The following ABCA8 variants were observed in gnomAD, a reference collection of about 807,000 sequenced individuals.
ABCA8 encodes the protein ATP binding cassette subfamily A member 8.
Under a neutral mutation model 192.3 loss-of-function variants are expected in ABCA8, and 177 were observed. The ratio of observed to expected loss-of-function variants is 0.92; its 90% CI spans 0.81 to 1.04. ABCA8 has a LOEUF of 1.04. Among genes scored for constraint, ABCA8 ranks in the 50% least tolerant of loss-of-function variants. ABCA8 has a pLI of 0.00. For missense variants in ABCA8, 1,915 were observed against 1,904.8 expected, an observed-to-expected ratio of 1.01 and a Z score of -0.10; for synonymous variants, 642 against 690.2, an observed-to-expected ratio of 0.93 and a Z score of 1.09.
intron 37 of ABCA8, among the ~76,000 whole-genome samples, chr17:68,873,649 C>T (rs572142778): frequency 1.3e-5 from 2 of 152,260 alleles, no homozygotes; most frequent in Admixed American, 1.3e-4. Flanking sequence ...AAGCTTTCCT[C>T]CTATGTTTTC....
Position 68,924,857 on chromosome 17 carries a change from T to C in ABCA8, c.1286A>G (p.His429Arg), listed in dbSNP as rs1445450400. Reference sequence around the variant, plus strand: ...CAGGAAAAACAAAGGTGGACGTCGATGTCCATATTCATCTACATGGCCAGA... The same window carrying C: ...CAGGAAAAACAAAGGTGGACGTCGACGTCCATATTCATCTACATGGCCAGA... ...FEKILPNEYG[H>R]RRPPLFFLKS... Residue 429 changes from histidine to arginine, a missense_variant, in exon 11 of 40, where the codon CAT becomes CGT. Coordinates refer to ENST00000586539, the MANE Select transcript of ABCA8 (RefSeq NM_001288985.2). 1.4e-5 allele frequency: 23 copies of C among 1,613,758 alleles called. No individual in the cohort carries two copies. Among genetic ancestry groups the C allele is most frequent in the Non-Finnish European group, 1.9e-5 (22 of 1,179,918 alleles).
At position 68,902,852 on chromosome 17, in the gene ABCA8, G is replaced by A. The variant is rs758858328; in HGVS notation, c.2625C>T (p.Cys875=). The A allele has an allele frequency of 2.5e-6, 4 of 1,611,908 alleles. No homozygotes were observed. The highest frequency in any genetic ancestry group is 3.4e-6 in the Non-Finnish European group (4 of 1,179,256). Residue 875 remains cysteine, a synonymous_variant, in exon 21 of 40, where the codon TGC becomes TGT. Coordinates refer to ENST00000586539, the MANE Select transcript of ABCA8 (RefSeq NM_001288985.2). ...ALLLILMAGF[C]PLLVEYTMVK... The stretch of plus-strand genomic sequence containing the variant: ...CCATGGTATACTCCACAAGAAGAGG[G>A]CAAAATCCAGCCATTAGAATTAATA...
At chr17:68,949,742 A>G (rs2068515754) in intron 1 of ABCA8, among the ~76,000 whole-genome samples, 1 of 152,214 alleles carries the variant, frequency 6.6e-6, no homozygotes, top group Non-Finnish European at 1.5e-5. Context: ...AAAATTCAAC[A>G]TCCCTTCATG....
chr17:68,891,659 C>T, intron 23 of ABCA8, 63 bp from the exon 24 acceptor site: 1 of 1,288,674 alleles, frequency 7.8e-7, no homozygotes, highest in East Asian at 2.5e-5. Context: ...TTCTGGAATA[C>T]ATTTTTAAAA....
At chr17:68,909,828 G>T (rs1430378544) in intron 17 of ABCA8, among the ~76,000 whole-genome samples, 1 of 152,042 alleles carries the variant, frequency 6.6e-6, no homozygotes, top group African/African-American at 2.4e-5. Flanking sequence ...TTGTATTGTT[G>T]TCATGATAGG....
chr17:68,918,612 C>T lies in ABCA8; in HGVS notation c.1789-66G>A. Reference sequence around the variant, plus strand: ...TTCCTTTTTTAAAAATTTATAAATACAAGGCTGTAAAGTGTAAATGGTTAA... The same window carrying T: ...TTCCTTTTTTAAAAATTTATAAATATAAGGCTGTAAAGTGTAAATGGTTAA... On this transcript the variant is annotated intron_variant, in intron 14 of 39. Transcript: ENST00000586539. 7.1e-6 allele frequency: 10 copies of T among 1,409,004 alleles called. No individual in the cohort carries two copies. In the Middle Eastern group the frequency reaches 9.2e-4, roughly 129 times the overall value. 87.3% of individuals were successfully genotyped at this position (1,409,004 alleles called of 1,614,324 possible).
Position 68,906,170 on chromosome 17 carries a change from A to G in ABCA8, c.2279-7T>C, listed in dbSNP as rs770265205. 6 of 1,558,942 alleles carry G rather than the reference A, an allele frequency of 3.8e-6. No individual in the cohort carries two copies. The Admixed American group carries it at 1.0e-4, about 26-fold the overall frequency. On this transcript the variant is annotated splice_polypyrimidine_tract_variant and splice_region_variant and intron_variant, in intron 18 of 39. Transcript: ENST00000586539. ...TCAAGATCCTTGTAAAGTTCTAAAGAATACATATACAGCAGTGAATTAAAA... is the reference window on the plus strand; with the variant it reads ...TCAAGATCCTTGTAAAGTTCTAAAGGATACATATACAGCAGTGAATTAAAA...
chr17:68,876,169 C>T (rs182953119), intron 35 of ABCA8: 47 of 502,022 alleles, frequency 9.4e-5, no homozygotes, highest in East Asian at 3.7e-4. Context: ...TGGAACACTA[C>T]GTGATTGTGA....
chr17:68,879,196 C>T (rs2066276218), intron 32 of ABCA8: 1 of 152,164 alleles, frequency 6.6e-6, no homozygotes, highest in Non-Finnish European at 1.5e-5. Flanking sequence ...AAAACACTCC[C>T]CAAAAATAGT....
rs34104553 is a variant in ABCA8, at chr17:68,883,845, C to T, written c.3653G>A (p.Arg1218Gln). 881 of 1,591,136 alleles carry T rather than the reference C, an allele frequency of 5.5e-4. 2 individuals carry two copies. Among genetic ancestry groups the T allele is most frequent in the Middle Eastern group, 1.0e-3 (6 of 6,004 alleles). Residue 1218 changes from arginine to glutamine, a missense_variant, in exon 29 of 40, where the codon CGA becomes CAA. Coordinates refer to ENST00000586539, the MANE Select transcript of ABCA8 (RefSeq NM_001288985.2). ...LHFIIFLFTL[R>Q]CLEWKFGKKS... ...CTTTCCAAACTTCCATTCCAGACATCGAAGAGTAAAAAGAAAAATGATAAA... is the reference window on the plus strand; with the variant it reads ...CTTTCCAAACTTCCATTCCAGACATTGAAGAGTAAAAAGAAAAATGATAAA...
intron 1 of ABCA8, among the ~76,000 whole-genome samples, chr17:68,952,489 A>G (rs1051754304): frequency 2.0e-5 from 3 of 152,078 alleles, no homozygotes; most frequent in African/African-American, 7.2e-5. Flanking sequence ...ATGTGATTCA[A>G]TTTTCAATTT....
intron 2 of ABCA8, among the ~76,000 whole-genome samples, chr17:68,944,252 C>A (rs1005187408): frequency 1.4e-5 from 2 of 138,492 alleles, no homozygotes; most frequent in African/African-American, 5.3e-5. Context: ...AGCAAACCAC[C>A]ATGACACATG....
intron 10 of ABCA8, among the ~76,000 whole-genome samples, chr17:68,925,364 C>G (rs1212593684): frequency 6.6e-6 from 1 of 152,128 alleles, no homozygotes; most frequent in Non-Finnish European, 1.5e-5. Context: ...AAACTTAACA[C>G]AAAATGAATA....
At chr17:68,937,207 T>C in intron 4 of ABCA8, 92 bp from the exon 5 acceptor site, 1 of 1,102,116 alleles carries the variant, frequency 9.1e-7, no homozygotes, top group Non-Finnish European at 1.3e-6. Context: ...TAGAGTTTTC[T>C]ATGGAAATAA....
At chr17:68,930,395 G>T (rs1028522903) in intron 7 of ABCA8, among the ~76,000 whole-genome samples, 6 of 152,074 alleles carry the variant, frequency 3.9e-5, no homozygotes, top group African/African-American at 2.4e-5. Flanking sequence ...TGTTAAGAAA[G>T]ATTTTTTTTG....
intron 16 of ABCA8, 45 bp downstream of exon 16, chr17:68,918,002 C>A: frequency 6.2e-7 from 1 of 1,603,262 alleles, no homozygotes; most frequent in South Asian, 1.1e-5. Flanking sequence ...ATTTTTAGAT[C>A]TCTTAAAGTC....
At chr17:68,877,882 C>T (rs1393098034) in intron 32 of ABCA8, 19 of 463,454 alleles carry the variant, frequency 4.1e-5, no homozygotes, top group Non-Finnish European at 6.5e-5. Flanking sequence ...GCCAACAATC[C>T]AATCTCAGCT....
intron 18 of ABCA8, among the ~76,000 whole-genome samples, chr17:68,907,527 C>G (rs117644059): frequency 1.1e-4 from 17 of 152,266 alleles, no homozygotes; most frequent in Non-Finnish European, 2.2e-4. Flanking sequence ...AAGAAGCCCT[C>G]TAAAATGCCC....
At chr17:68,917,215 G>A (rs2067393904) in intron 17 of ABCA8, 146 bp downstream of exon 17, 2 of 492,000 alleles carry the variant, frequency 4.1e-6, no homozygotes, top group Non-Finnish European at 7.1e-6. Context: ...AGCTTGCAGT[G>A]AGCCGAGATG....
Sources: allele counts gnomAD v4.1 joint callset (sites outside exome capture counted in the v4.1 genomes callset), GRCh38; gene constraint gnomAD v4.1.1; transcripts MANE v1.5; gene names NCBI Gene and HGNC (gene_info 2026-07-23, HGNC 2026-07-21).